Variants in CFAP299 observed in about 807,000 individuals in gnomAD.
The protein encoded by CFAP299 is cilia- and flagella-associated protein 299.
Under a neutral mutation model 27.0 loss-of-function variants are expected in CFAP299, and 21 were observed. The ratio of observed to expected loss-of-function variants is 0.78; its 90% CI spans 0.55 to 1.12. The LOEUF is 1.12. CFAP299 is among the 50% of genes most tolerant of loss of function. CFAP299 has a pLI of 0.00. For missense variants in CFAP299, 310 were observed against 276.6 expected (o/e 1.12, Z -0.86); for synonymous variants, 104 against 98.1 (o/e 1.06, Z -0.36).
Position 80,900,123 on chromosome 4 carries a change from A to AGTGTGTGTGTGTGTGTGTGTGTGTGT in CFAP299, c.476+30001_476+30026dup, listed in dbSNP as rs3038537. Among the ~76,000 whole-genome samples the AGTGTGTGTGTGTGTGTGTGTGTGTGT allele has an allele frequency of 1.1e-3, 153 of 139,892 alleles. 2 individuals are homozygous for AGTGTGTGTGTGTGTGTGTGTGTGTGT. Among genetic ancestry groups the AGTGTGTGTGTGTGTGTGTGTGTGTGT allele is most frequent in the Non-Finnish European group, 1.8e-3 (114 of 64,832 alleles). The allele number at this position is 139,892 out of a possible 152,430, so 91.8% of individuals were successfully genotyped here. A position where few individuals can be genotyped will look rare whatever the true frequency, so the allele number is the denominator to read the frequency against. ...AATAAATGACATAAAAGTGGAAGAA[A>AGTGTGTGTGTGTGTGTGTGTGTGTGT]GTGTGTGTGTGTGTGTGTGTGTGTG... On this transcript the variant is annotated intron_variant, in intron 4 of 5. Coordinates refer to ENST00000358105, the MANE Select transcript of CFAP299 (RefSeq NM_152770.3).
intron 3 of CFAP299, among the ~76,000 whole-genome samples, chr4:80,856,809 T>G (rs1440701170): frequency 6.6e-6 from 1 of 152,058 alleles, no homozygotes; most frequent in Admixed American, 6.5e-5. Context: ...TACTGTAGCC[T>G]TGTAGTATAG....
intron 2 of CFAP299, among the ~76,000 whole-genome samples, chr4:80,424,414 G>A (rs977877574): frequency 6.6e-6 from 1 of 152,206 alleles, no homozygotes; most frequent in African/African-American, 2.4e-5. Flanking sequence ...ACTTGCTTTT[G>A]TGGTCATCAT....
intron 4 of CFAP299, among the ~76,000 whole-genome samples, chr4:80,891,784 A>G (rs1393025501): frequency 8.5e-6 from 1 of 117,760 alleles, no homozygotes; most frequent in Non-Finnish European, 1.6e-5. Flanking sequence ...AAATTAAAAA[A>G]AAAATAAAAA....
rs1355217627 is a variant in CFAP299 at position 80,416,128 on chromosome 4, A to C, written c.242+53244A>C. The stretch of plus-strand genomic sequence containing the variant: ...TGAAAGCACAAATTGTTATTAGTAT[A>C]CATGCTAGAAGACCAGGTGACACCC... On this transcript the variant is annotated intron_variant, in intron 2 of 5. Coordinates refer to ENST00000358105, the MANE Select transcript of CFAP299 (RefSeq NM_152770.3). Among the ~76,000 whole-genome samples the C allele has an allele frequency of 3.3e-5, 5 of 152,198 alleles. No homozygotes were observed. In the East Asian group the frequency reaches 7.7e-4, roughly 23 times the overall value.
rs945855872 is a variant in CFAP299, at chr4:80,701,479, T to A, written c.333+118296T>A. ...AAGGAGTGATATTTAAAAGTAATAA[T>A]CCTTTGAAAGTGATATTTAAAAGTA... is the stretch of plus-strand genomic sequence containing the variant. On this transcript the variant is annotated intron_variant, in intron 3 of 5. Coordinates refer to ENST00000358105, the MANE Select transcript of CFAP299 (RefSeq NM_152770.3). Among the ~76,000 whole-genome samples the A allele has an allele frequency of 5.3e-5, 8 of 152,072 alleles. 1 individual carries two copies. The highest frequency in any genetic ancestry group is 3.9e-4 in the Admixed American group (6 of 15,234).
chr4:80,712,317 A>G (rs910420772), intron 3 of CFAP299, among the ~76,000 whole-genome samples: 1 of 152,232 alleles, frequency 6.6e-6, no homozygotes, highest in African/African-American at 2.4e-5. Flanking sequence ...TATTCATATT[A>G]GAAAGCCAAT....
In CFAP299 at chr4:80,760,778, T is replaced by G. The variant is rs1031051149; in HGVS notation, c.334-109215T>G. The stretch of plus-strand genomic sequence containing the variant: ...ATTTACAGAGAATTAAAGGTAAAAT[T>G]AAGAGAGTAGATGAAGCCCTTGCAA... On this transcript the variant is annotated intron_variant, in intron 3 of 5. Transcript: ENST00000358105. Among the ~76,000 whole-genome samples, 4 of 152,126 alleles carry G rather than the reference T, an allele frequency of 2.6e-5. No homozygotes were observed. In the East Asian group the frequency reaches 7.7e-4, roughly 29 times the overall value.
At chr4:80,447,962 CT>C in intron 2 of CFAP299, among the ~76,000 whole-genome samples, 2 of 152,288 alleles carry the variant, frequency 1.3e-5, no homozygotes, top group South Asian at 4.1e-4. Flanking sequence ...GCACACAAGG[CT>C]TTATATGATC....
At chr4:80,521,692 G>A (rs976089431) in intron 2 of CFAP299, among the ~76,000 whole-genome samples, 9 of 151,934 alleles carry the variant, frequency 5.9e-5, no homozygotes, top group African/African-American at 1.2e-4. Context: ...AGAGACTTCA[G>A]AGAGTGGAAT....
chr4:80,322,563 T>TACTA, the CFAP299 span, among the ~76,000 whole-genome samples: 1 of 152,136 alleles, frequency 6.6e-6, no homozygotes, highest in African/African-American at 2.4e-5. Flanking sequence ...CAAGGGGATA[T>TACTA]AAACAGATTA....
intron 4 of CFAP299, among the ~76,000 whole-genome samples, chr4:80,908,970 G>A (rs1735324802): frequency 6.6e-6 from 1 of 152,066 alleles, no homozygotes; most frequent in African/African-American, 2.4e-5. Context: ...CTCAGATAAT[G>A]AGAGACACGT....
intron 2 of CFAP299, among the ~76,000 whole-genome samples, chr4:80,571,358 T>G (rs1472495262): frequency 6.6e-6 from 1 of 151,926 alleles, no homozygotes; most frequent in Non-Finnish European, 1.5e-5. Flanking sequence ...TGAAATTATT[T>G]CCACTTTGCT....
At chr4:80,633,135 C>G (rs1560668318) in intron 3 of CFAP299, among the ~76,000 whole-genome samples, 1 of 152,112 alleles carries the variant, frequency 6.6e-6, no homozygotes, top group Non-Finnish European at 1.5e-5. Context: ...TAAATTAGTA[C>G]CCTCCTCTTT....
chr4:80,935,778 C>G (rs1448438135), intron 4 of CFAP299, among the ~76,000 whole-genome samples: 2 of 152,082 alleles, frequency 1.3e-5, no homozygotes. Flanking sequence ...AGTAAACAGG[C>G]AACCTACAGA....
intron 3 of CFAP299, among the ~76,000 whole-genome samples, chr4:80,845,301 C>T (rs1440325956): frequency 3.3e-5 from 5 of 150,232 alleles, no homozygotes; most frequent in Non-Finnish European, 4.4e-5. Context: ...TTTAAAAGAC[C>T]GTTCAAGTTT....
chr4:80,582,266 A>G (rs1452559866), intron 2 of CFAP299, among the ~76,000 whole-genome samples: 1 of 151,820 alleles, frequency 6.6e-6, no homozygotes, highest in South Asian at 2.1e-4. Context: ...CTCGGTCTAT[A>G]TCTCTGTTAT....
At chr4:80,352,294 G>A (rs930965080) in intron 1 of CFAP299, among the ~76,000 whole-genome samples, 1 of 152,190 alleles carries the variant, frequency 6.6e-6, no homozygotes, top group African/African-American at 2.4e-5. Context: ...AAGGCCAGGT[G>A]CAGTGACTCA....
chr4:80,683,394 T>C (rs1719968280), intron 3 of CFAP299, among the ~76,000 whole-genome samples: 1 of 152,192 alleles, frequency 6.6e-6, no homozygotes, highest in East Asian at 1.9e-4. Context: ...AAGTTCCTTT[T>C]GGTTATTTAA....
chr4:80,422,960 C>T (rs184264167), intron 2 of CFAP299, among the ~76,000 whole-genome samples: 7 of 152,266 alleles, frequency 4.6e-5, no homozygotes, highest in Non-Finnish European at 8.8e-5. Context: ...ATTGCCCCTA[C>T]AAACCTACAC....
Sources: allele counts gnomAD v4.1 joint callset (sites outside exome capture counted in the v4.1 genomes callset), GRCh38; gene constraint gnomAD v4.1.1; transcripts MANE v1.5; gene names NCBI Gene and HGNC (gene_info 2026-07-23, HGNC 2026-07-21).